SLC24A3: variants seen among roughly 807,000 people sequenced by gnomAD.
The protein encoded by SLC24A3 is solute carrier family 24 member 3.
In SLC24A3, 28 loss-of-function variants were observed where a neutral mutation model predicts 75.8. The ratio of observed to expected loss-of-function variants is 0.37; its 90% confidence interval spans 0.27 to 0.51. The LOEUF (loss-of-function observed/expected upper bound fraction) is 0.51, where lower values mean the gene tolerates loss of function less well. SLC24A3 is among the 20% of genes least tolerant of loss of function. The pLI, the probability that SLC24A3 is intolerant of heterozygous loss-of-function variation, is 0.94. For missense variants in SLC24A3, 663 were observed against 847.8 expected, an observed-to-expected ratio of 0.78 and a Z score of 2.71; for synonymous variants, 372 against 334.1, an observed-to-expected ratio of 1.11 and a Z score of -1.24.
chr20:19,557,990 T>G (rs1376025548), intron 3 of SLC24A3, among the ~76,000 whole-genome samples: 2 of 151,984 alleles, frequency 1.3e-5, no homozygotes, highest in South Asian at 2.1e-4. Flanking sequence ...CATGGGTAGG[T>G]GGATGGATGG....
At chr20:19,360,358 A>G (rs974934830) in intron 2 of SLC24A3, among the ~76,000 whole-genome samples, 5 of 152,248 alleles carry the variant, frequency 3.3e-5, no homozygotes, top group African/African-American at 1.2e-4. Flanking sequence ...GAATATCTCA[A>G]AACTTTAACA....
intron 2 of SLC24A3, among the ~76,000 whole-genome samples, chr20:19,346,375 A>ATATATATGGTGTATATATATGTGGTG (rs1985428940): frequency 7.2e-6 from 1 of 138,454 alleles, no homozygotes; most frequent in African/African-American, 2.7e-5. Flanking sequence ...TATGTGGTGT[A>ATATATATGGTGTATATATATGTGGTG]TATATATGGT....
rs1988018658 is a variant in SLC24A3 at position 19,479,573 on chromosome 20, G to A, written c.272-35915G>A. ...ATCCCAGGAAGTTTGGTGTGTGAGT[G>A]GGGAAGAGAGACAAGAGAGGGAAAG... On this transcript the variant is annotated intron_variant, in intron 2 of 16. Transcript: ENST00000328041. 3.3e-5 allele frequency among the ~76,000 whole-genome samples: 5 copies of A among 152,232 alleles called. No homozygotes were observed. In the South Asian group the frequency reaches 8.3e-4, roughly 25 times the overall value.
At chr20:19,320,219 T>C (rs1462333019) in intron 2 of SLC24A3, among the ~76,000 whole-genome samples, 1 of 152,214 alleles carries the variant, frequency 6.6e-6, no homozygotes, top group Non-Finnish European at 1.5e-5. Flanking sequence ...CCAGGCTTTG[T>C]CATTTGGAGA....
intron 3 of SLC24A3, among the ~76,000 whole-genome samples, chr20:19,529,969 A>G (rs759150421): frequency 1.3e-5 from 2 of 152,252 alleles, no homozygotes; most frequent in Non-Finnish European, 2.9e-5. Flanking sequence ...AATAGACTAT[A>G]TAGTAGATAG....
intron 2 of SLC24A3, among the ~76,000 whole-genome samples, chr20:19,475,341 G>A (rs6075516): frequency 0.28 from 39,709 of 143,536 alleles, 5,441 homozygotes; most frequent in East Asian, 0.52. Context: ...TCTGTCTCAA[G>A]AAAAAAAAAA....
At chr20:19,252,645 G>C (rs1051127706) in intron 1 of SLC24A3, among the ~76,000 whole-genome samples, 3 of 149,732 alleles carry the variant, frequency 2.0e-5, no homozygotes, top group Non-Finnish European at 4.5e-5. Flanking sequence ...TGGAATGGCG[G>C]GGGGGGGTGC....
intron 6 of SLC24A3, among the ~76,000 whole-genome samples, chr20:19,639,262 C>G (rs931633217): frequency 6.6e-6 from 1 of 152,138 alleles, no homozygotes; most frequent in Non-Finnish European, 1.5e-5. Context: ...CATTCACAAA[C>G]CCTGAGCTAG....
At position 19,315,442 on chromosome 20, in the gene SLC24A3, T is replaced by A. The variant is rs554303045; in HGVS notation, c.271+34355T>A. Among the ~76,000 whole-genome samples the A allele has an allele frequency of 5.9e-5, 9 of 152,068 alleles. No individual in the cohort carries two copies. In the South Asian group the frequency reaches 1.7e-3, roughly 28 times the overall value. On this transcript the variant is annotated intron_variant, in intron 2 of 16. Coordinates refer to ENST00000328041, the MANE Select transcript of SLC24A3 (RefSeq NM_020689.4). ...AGCACCAAATAGGAATGGAATGGAG[T>A]GTTCTGGAAAGAGGCAAGATTTGTG...
intron 1 of SLC24A3, among the ~76,000 whole-genome samples, chr20:19,267,999 A>T (rs910746126): frequency 1.3e-5 from 2 of 152,212 alleles, no homozygotes; most frequent in African/African-American, 4.8e-5. Context: ...ATCAATGGAC[A>T]TGTGCATGGT....
At chr20:19,395,136 G>A (rs114694811) in intron 2 of SLC24A3, among the ~76,000 whole-genome samples, 110 of 152,320 alleles carry the variant, frequency 7.2e-4, no homozygotes, top group African/African-American at 2.6e-3. Flanking sequence ...ATCAGGTACA[G>A]GCCGACTCAC....
chr20:19,255,160 C>CTCA (rs1204447751), intron 1 of SLC24A3, among the ~76,000 whole-genome samples: 1 of 152,226 alleles, frequency 6.6e-6, no homozygotes, highest in Non-Finnish European at 1.5e-5. Context: ...GTGTTTGTAC[C>CTCA]TCATCTCCAG....
In SLC24A3 at chr20:19,651,733, C is replaced by T. The variant is rs571510988; in HGVS notation, c.613-2329C>T. ...AAAATTTGCCAGGCGTGGTGGTGGG[C>T]GCCTGTAGTCCCAACTACTTGGGAG... is the stretch of plus-strand genomic sequence containing the variant. On this transcript the variant is annotated intron_variant, in intron 6 of 16. Transcript: ENST00000328041. Among the ~76,000 whole-genome samples the T allele has an allele frequency of 4.9e-3, 738 of 151,824 alleles. 2 individuals carry two copies. Among genetic ancestry groups the T allele is most frequent in the Non-Finnish European group, 7.4e-3 (504 of 67,954 alleles).
intron 2 of SLC24A3, among the ~76,000 whole-genome samples, chr20:19,381,105 C>T (rs1398916051): frequency 6.6e-6 from 1 of 152,204 alleles, no homozygotes; most frequent in Non-Finnish European, 1.5e-5. Flanking sequence ...ATACACACCA[C>T]TATTACCAAC....
At chr20:19,419,685 C>G (rs1986884514) in intron 2 of SLC24A3, among the ~76,000 whole-genome samples, 1 of 152,118 alleles carries the variant, frequency 6.6e-6, no homozygotes. Context: ...GCAGCAGCTG[C>G]CCTTTCCTGC....
At chr20:19,540,194 G>A (rs2030471046) in intron 3 of SLC24A3, among the ~76,000 whole-genome samples, 1 of 152,162 alleles carries the variant, frequency 6.6e-6, no homozygotes, top group African/African-American at 2.4e-5. Flanking sequence ...GGGATATGAT[G>A]TTCTGAGTCC....
At chr20:19,398,629 A>G (rs1986498267) in intron 2 of SLC24A3, among the ~76,000 whole-genome samples, 1 of 152,156 alleles carries the variant, frequency 6.6e-6, no homozygotes, top group Non-Finnish European at 1.5e-5. Flanking sequence ...GCAAATGAAG[A>G]CAGTTTTCTT....
Position 19,522,456 on chromosome 20 carries a change from A to G in SLC24A3, c.348+6892A>G, listed in dbSNP as rs374007377. Among the ~76,000 whole-genome samples, 4 of 152,218 alleles carry G rather than the reference A, an allele frequency of 2.6e-5. No individual in the cohort carries two copies. In the East Asian group the frequency reaches 7.7e-4, roughly 29 times the overall value. ...AGTTAAAAGCTAGAAAAACATGTATATGACCAACAAGCTTCCTGCTTTGGA... is the reference window on the plus strand; with the variant it reads ...AGTTAAAAGCTAGAAAAACATGTATGTGACCAACAAGCTTCCTGCTTTGGA... On this transcript the variant is annotated intron_variant, in intron 3 of 16. Transcript: ENST00000328041.
At chr20:19,714,428 A>G (rs1384796680) in intron 15 of SLC24A3, among the ~76,000 whole-genome samples, 1 of 15,970 alleles carries the variant, frequency 6.3e-5, no homozygotes, top group Admixed American at 1.0e-3. Context: ...AAAAAAAAAC[A>G]ACAAAAAGAG....
Sources: allele counts gnomAD v4.1 joint callset (sites outside exome capture counted in the v4.1 genomes callset), GRCh38; gene constraint gnomAD v4.1.1; transcripts MANE v1.5; gene names NCBI Gene and HGNC (gene_info 2026-07-23, HGNC 2026-07-21).